The following NRG1 variants were observed in gnomAD, a reference collection of about 807,000 sequenced individuals.
The protein encoded by NRG1 is neuregulin 1.
In NRG1, 18 loss-of-function variants were observed where a neutral mutation model predicts 63.8. The observed-to-expected ratio is 0.28, with a 90% CI of 0.19 to 0.42. NRG1 has a LOEUF of 0.42. Among genes scored for constraint, NRG1 ranks in the 10% least tolerant of loss-of-function variants. NRG1 has a pLI of 1.00. For synonymous variants in NRG1, 302 were observed against 301.3 expected, an observed-to-expected ratio of 1.00 and a Z score of -0.02; for missense variants, 762 against 814.7, an observed-to-expected ratio of 0.94 and a Z score of 0.79.
chr8:31,645,843 C>T (rs983740192), intron 1 of NRG1, among the ~76,000 whole-genome samples: 3 of 152,128 alleles, frequency 2.0e-5, no homozygotes, highest in Admixed American at 6.5e-5. Flanking sequence ...CTGGATGGAC[C>T]GTAAGAGACT....
At chr8:32,464,834 T>C (rs935962548) in intron 1 of NRG1, among the ~76,000 whole-genome samples, 26 of 152,070 alleles carry the variant, frequency 1.7e-4, no homozygotes, top group African/African-American at 5.6e-4. Flanking sequence ...ACAGGTAAAA[T>C]GGTAATCTAA....
At chr8:32,680,934 C>T (rs747498523) in intron 5 of NRG1, among the ~76,000 whole-genome samples, 1 of 151,860 alleles carries the variant, frequency 6.6e-6, no homozygotes, top group Non-Finnish European at 1.5e-5. Context: ...TCCTGTTTTA[C>T]TGATGAGAAA....
At chr8:31,856,790 T>C (rs371183339) in intron 1 of NRG1, among the ~76,000 whole-genome samples, 1 of 152,224 alleles carries the variant, frequency 6.6e-6, no homozygotes, top group Non-Finnish European at 1.5e-5. Context: ...GATGGGTTTT[T>C]GGTGTGGATG....
At chr8:31,730,742 C>T (rs368291377) in intron 1 of NRG1, among the ~76,000 whole-genome samples, 22 of 151,948 alleles carry the variant, frequency 1.4e-4, no homozygotes, top group Non-Finnish European at 2.7e-4. Context: ...AATAAAAATA[C>T]GAAGTACTTA....
intron 1 of NRG1, among the ~76,000 whole-genome samples, chr8:31,873,957 GT>G (rs1444620947): frequency 3.3e-5 from 5 of 151,972 alleles, no homozygotes; most frequent in African/African-American, 1.2e-4. Context: ...CATTTTGCTT[GT>G]TCCTGTGCTC....
chr8:32,179,702 G>T (rs1015363184), intron 1 of NRG1, among the ~76,000 whole-genome samples: 5 of 152,054 alleles, frequency 3.3e-5, no homozygotes, highest in Non-Finnish European at 5.9e-5. Context: ...AAAGTGTTTG[G>T]TGTCTACTAG....
chr8:32,291,033 C>T (rs1443156550), intron 1 of NRG1, among the ~76,000 whole-genome samples: 1 of 152,058 alleles, frequency 6.6e-6, no homozygotes, highest in Non-Finnish European at 1.5e-5. Flanking sequence ...AGGCTCCATA[C>T]CCAGGAAGAG....
chr8:32,300,901 C>T (rs546115884), intron 1 of NRG1, among the ~76,000 whole-genome samples: 1 of 152,300 alleles, frequency 6.6e-6, no homozygotes, highest in Admixed American at 6.5e-5. Flanking sequence ...AAGGCAAACC[C>T]ATTGTAGAAA....
chr8:31,845,142 T>TAAAA lies in NRG1; in HGVS notation c.37+205712_37+205715dup, dbSNP rs576091992. On this transcript the variant is annotated intron_variant, in intron 1 of 10. Coordinates refer to the NRG1 transcript ENST00000519301. ...ATAAATAAATAAATAAATAAATAAA[T>TAAAA]AAAACAGCAAAGCTTCTATGAATTC... Among the ~76,000 whole-genome samples the TAAAA allele has an allele frequency of 1.8e-3, 280 of 151,748 alleles. 5 individuals are homozygous for TAAAA. The East Asian group carries it at 0.048, about 26-fold the overall frequency.
intron 1 of NRG1, among the ~76,000 whole-genome samples, chr8:32,029,007 C>CATCT (rs1009535930): frequency 6.6e-6 from 1 of 152,122 alleles, no homozygotes; most frequent in African/African-American, 2.4e-5. Flanking sequence ...AAGTGGCATT[C>CATCT]ATCTCTATGG....
intron 6 of NRG1, among the ~76,000 whole-genome samples, chr8:32,740,660 C>T (rs185925722): frequency 6.0e-4 from 91 of 152,102 alleles, no homozygotes; most frequent in Non-Finnish European, 1.2e-3. Flanking sequence ...AGCTTAAACA[C>T]ATACTCACAG....
chr8:32,701,541 T>A (rs563356205), intron 5 of NRG1, among the ~76,000 whole-genome samples: 2 of 152,346 alleles, frequency 1.3e-5, no homozygotes, highest in East Asian at 3.9e-4. Flanking sequence ...GTCTTCAATG[T>A]GAGTAAGCCT....
At chr8:31,789,761 T>C (rs1415781299) in intron 1 of NRG1, among the ~76,000 whole-genome samples, 1 of 152,208 alleles carries the variant, frequency 6.6e-6, no homozygotes, top group Non-Finnish European at 1.5e-5. Context: ...ATGATGGTTC[T>C]GGATTGTAAT....
rs184466477 is a variant in NRG1 at position 32,424,352 on chromosome 8, T to C, written c.38-171476T>C. The stretch of plus-strand genomic sequence containing the variant: ...GCTAAGTTGCCTCAACACACTTCAC[T>C]ATGGCTTCTCAGAGCACACTCACCT... On this transcript the variant is annotated intron_variant, in intron 1 of 10. Transcript: ENST00000519301. Among the ~76,000 whole-genome samples, 7 of 152,226 alleles carry C rather than the reference T, an allele frequency of 4.6e-5. No homozygotes were observed. The East Asian group carries it at 1.4e-3, about 29-fold the overall frequency.
chr8:31,864,332 C>G (rs1828753287), intron 1 of NRG1, among the ~76,000 whole-genome samples: 3 of 152,106 alleles, frequency 2.0e-5, no homozygotes, highest in Admixed American at 6.5e-5. Flanking sequence ...CACAGTAATC[C>G]AATCATCACA....
chr8:32,158,213 T>G (rs1236427127), intron 1 of NRG1, among the ~76,000 whole-genome samples: 2 of 151,836 alleles, frequency 1.3e-5, no homozygotes, highest in Non-Finnish European at 2.9e-5. Context: ...CAACTGAGCT[T>G]CTCAGTGGGT....
intron 1 of NRG1, among the ~76,000 whole-genome samples, chr8:31,977,371 C>T (rs1296089839): frequency 6.6e-6 from 1 of 152,044 alleles, no homozygotes; most frequent in Non-Finnish European, 1.5e-5. Context: ...CTTAGTGACT[C>T]CTCTCATGTT....
intron 1 of NRG1, among the ~76,000 whole-genome samples, chr8:32,571,940 C>CA (rs1386616570): frequency 6.6e-6 from 1 of 152,162 alleles, no homozygotes; most frequent in East Asian, 1.9e-4. Context: ...AGCTGGAACT[C>CA]AATCCGTAAA....
intron 1 of NRG1, among the ~76,000 whole-genome samples, chr8:32,385,726 C>G (rs1587272693): frequency 6.6e-6 from 1 of 152,198 alleles, no homozygotes; most frequent in African/African-American, 2.4e-5. Flanking sequence ...CACCTCCCAC[C>G]AGGCCCCATC....
Sources: allele counts gnomAD v4.1 joint callset (sites outside exome capture counted in the v4.1 genomes callset), GRCh38; gene constraint gnomAD v4.1.1; transcripts MANE v1.5; gene names NCBI Gene and HGNC (gene_info 2026-07-23, HGNC 2026-07-21).